The following SCHIP1 variants were observed in gnomAD, a reference collection of about 807,000 sequenced individuals.
SCHIP1 encodes schwannomin interacting protein 1.
SCHIP1 carries 8 observed loss-of-function variants against 29.7 expected under a neutral mutation model. The ratio of observed to expected loss-of-function variants is 0.27; its 90% CI spans 0.16 to 0.49. The LOEUF (loss-of-function observed/expected upper bound fraction) is 0.49. SCHIP1 is among the 20% of genes least tolerant of loss of function. SCHIP1 has a pLI of 0.99. For synonymous variants in SCHIP1, 76 were observed against 94.9 expected, an observed-to-expected ratio of 0.80 and a Z score of 1.16; for missense variants, 193 against 294.6, an observed-to-expected ratio of 0.66 and a Z score of 2.52.
At chr3:159,477,626 C>G in the SCHIP1 span, among the ~76,000 whole-genome samples, 3 of 152,192 alleles carry the variant, frequency 2.0e-5, no homozygotes, top group East Asian at 5.8e-4. Flanking sequence ...CATTCTTTAA[C>G]TGTGTTATTT....
At chr3:159,646,907 G>A in the SCHIP1 span, among the ~76,000 whole-genome samples, 1,244 of 152,110 alleles carry the variant, frequency 8.2e-3, 21 homozygotes, top group African/African-American at 0.029. Flanking sequence ...CAGGACCCAG[G>A]GGTACCTAGG....
At chr3:159,459,238 C>T in the SCHIP1 span, among the ~76,000 whole-genome samples, 9 of 152,204 alleles carry the variant, frequency 5.9e-5, no homozygotes, top group African/African-American at 1.9e-4. Context: ...GGTATGGTCT[C>T]CTGGGCCCCA....
chr3:159,387,093 T>C, the SCHIP1 span: 8 of 174,638 alleles, frequency 4.6e-5, no homozygotes, highest in Non-Finnish European at 7.3e-5. Flanking sequence ...CCACAAGGAA[T>C]GATGTGGAGC....
chr3:159,524,808 A>C, the SCHIP1 span, among the ~76,000 whole-genome samples: 4 of 152,216 alleles, frequency 2.6e-5, no homozygotes, highest in African/African-American at 9.6e-5. Flanking sequence ...CTCATTAGCC[A>C]TTCTGCACAG....
chr3:159,729,615 A>G, the SCHIP1 span, among the ~76,000 whole-genome samples: 1 of 152,214 alleles, frequency 6.6e-6, no homozygotes, highest in Non-Finnish European at 1.5e-5. Context: ...AAAATACATT[A>G]GAATAAAAAT....
the SCHIP1 span, among the ~76,000 whole-genome samples, chr3:159,576,767 C>T: frequency 6.6e-6 from 1 of 152,130 alleles, no homozygotes; most frequent in Non-Finnish European, 1.5e-5. Context: ...GAAACACACA[C>T]TTAGGTTTAC....
intron 6 of SCHIP1, 118 bp downstream of exon 7, chr3:159,892,308 A>G (rs1577505555): frequency 4.2e-6 from 5 of 1,182,280 alleles, no homozygotes; most frequent in Non-Finnish European, 6.1e-6. Flanking sequence ...TAACTCACCT[A>G]GCCTTTTCTG....
the SCHIP1 span, among the ~76,000 whole-genome samples, chr3:159,476,297 T>C: frequency 1.3e-5 from 2 of 152,186 alleles, no homozygotes; most frequent in African/African-American, 2.4e-5. Flanking sequence ...TAGTATGCCA[T>C]TGATATGATC....
chr3:159,406,701 TATG>T, the SCHIP1 span, among the ~76,000 whole-genome samples: 2 of 152,114 alleles, frequency 1.3e-5, no homozygotes, highest in African/African-American at 4.8e-5. Flanking sequence ...ACATAGACAG[TATG>T]ATAAGATATA....
the SCHIP1 span, among the ~76,000 whole-genome samples, chr3:159,515,943 T>C: frequency 6.7e-6 from 1 of 148,342 alleles, no homozygotes; most frequent in Non-Finnish European, 1.5e-5. Context: ...TATTTGTAGA[T>C]AAGTGCCAAG....
At chr3:159,817,647 C>T in the SCHIP1 span, among the ~76,000 whole-genome samples, 3 of 152,192 alleles carry the variant, frequency 2.0e-5, no homozygotes, top group Non-Finnish European at 4.4e-5. Flanking sequence ...GACCCTTTGG[C>T]AAAGTACTGA....
chr3:159,558,322 T>C, the SCHIP1 span, among the ~76,000 whole-genome samples: 1 of 152,252 alleles, frequency 6.6e-6, no homozygotes, highest in Admixed American at 6.5e-5. Context: ...TTACCTATTT[T>C]TATTTGCATT....
the SCHIP1 span, among the ~76,000 whole-genome samples, chr3:159,319,627 G>A: frequency 6.6e-6 from 1 of 152,170 alleles, no homozygotes; most frequent in African/African-American, 2.4e-5. Flanking sequence ...ACATTTTCTT[G>A]GGCAGTGATG....
chr3:159,587,219 A>G, the SCHIP1 span, among the ~76,000 whole-genome samples: 1 of 152,296 alleles, frequency 6.6e-6, no homozygotes, highest in Admixed American at 6.5e-5. Flanking sequence ...CTGATGCACA[A>G]TCAAGTTTAA....
chr3:159,332,848 T>TC, the SCHIP1 span, among the ~76,000 whole-genome samples: 6 of 152,328 alleles, frequency 3.9e-5, no homozygotes, highest in African/African-American at 1.4e-4. Flanking sequence ...GAAATGATTA[T>TC]CCATCAATTA....
At chr3:159,273,740 A>T in the SCHIP1 span, 2 of 1,575,986 alleles carry the variant, frequency 1.3e-6, no homozygotes, top group Non-Finnish European at 1.7e-6. Flanking sequence ...AACCCAGGTG[A>T]CCCTTTACGG....
At chr3:159,395,848 G>A in the SCHIP1 span, among the ~76,000 whole-genome samples, 8 of 151,960 alleles carry the variant, frequency 5.3e-5, no homozygotes, top group African/African-American at 1.9e-4. Context: ...GCTTGGTACA[G>A]AGCTGAGTTC....
intron 2 of SCHIP1, among the ~76,000 whole-genome samples, chr3:159,880,154 G>A (rs550645867): frequency 6.6e-5 from 10 of 152,288 alleles, no homozygotes; most frequent in African/African-American, 2.4e-4. Flanking sequence ...ATCAGGACAG[G>A]ATATAAAGAG....
chr3:159,813,583 G>A, the SCHIP1 span, among the ~76,000 whole-genome samples: 1 of 152,058 alleles, frequency 6.6e-6, no homozygotes, highest in Non-Finnish European at 1.5e-5. Context: ...AGCTACTCAG[G>A]AGGCTGAGGT....
Sources: allele counts gnomAD v4.1 joint callset (sites outside exome capture counted in the v4.1 genomes callset), GRCh38; gene constraint gnomAD v4.1.1; transcripts MANE v1.5; gene names NCBI Gene and HGNC (gene_info 2026-07-23, HGNC 2026-07-21).